CNBD1: variants seen among roughly 807,000 people sequenced by gnomAD.
The protein encoded by CNBD1 is cyclic nucleotide-binding domain-containing protein 1.
Under a neutral mutation model 54.4 loss-of-function variants are expected in CNBD1, and 71 were observed. That is an observed-to-expected ratio of 1.30 (90% CI 1.08 to 1.59). The LOEUF is 1.59. Among genes scored for constraint, CNBD1 ranks in the 40% most tolerant of loss-of-function variants. The pLI is 0.00. For synonymous variants in CNBD1, 182 were observed against 170.7 expected (o/e 1.07, Z -0.51); for missense variants, 659 against 518.0 (o/e 1.27, Z -2.64).
At chr8:87,094,219 T>C (rs562477093) in intron 4 of CNBD1, among the ~76,000 whole-genome samples, 2 of 152,126 alleles carry the variant, frequency 1.3e-5, no homozygotes, top group East Asian at 3.9e-4. Context: ...ACTTTTTAGC[T>C]TTTTCTTCTC....
intron 2 of CNBD1, among the ~76,000 whole-genome samples, chr8:87,401,931 C>T (rs571506077): frequency 6.6e-6 from 1 of 151,844 alleles, no homozygotes; most frequent in Non-Finnish European, 1.5e-5. Context: ...GACATGTGAC[C>T]TAATTCTGAC....
intron 6 of CNBD1, among the ~76,000 whole-genome samples, chr8:87,274,398 G>T (rs990330462): frequency 1.4e-5 from 2 of 144,864 alleles, no homozygotes; most frequent in African/African-American, 5.4e-5. Context: ...CAGTGTAAAA[G>T]TGTGCCTATT....
intron 4 of CNBD1, among the ~76,000 whole-genome samples, chr8:87,045,744 A>AAAAG (rs1554549758): frequency 2.0e-5 from 3 of 146,568 alleles, no homozygotes; most frequent in African/African-American, 7.7e-5. Context: ...AAAAAAAAAA[A>AAAAG]CAGTACACAT....
chr8:87,243,549 C>G lies in CNBD1; in HGVS notation c.771+6437C>G, dbSNP rs114241131. Among the ~76,000 whole-genome samples, 858 of 152,284 alleles carry G rather than the reference C, an allele frequency of 5.6e-3. 7 individuals are homozygous for G. The highest frequency in any genetic ancestry group is 0.02 in the African/African-American group (814 of 41,566). On this transcript the variant is annotated intron_variant, in intron 6 of 10. Coordinates refer to ENST00000518476, the MANE Select transcript of CNBD1 (RefSeq NM_173538.3). ...TCTCTTCATTATCCAACATTCTTCACAGATTCATTCCTGGTATGGTCTTAC... is the reference window on the plus strand; with the variant it reads ...TCTCTTCATTATCCAACATTCTTCAGAGATTCATTCCTGGTATGGTCTTAC...
intron 4 of CNBD1, chr8:87,044,756 C>T (rs1396523950): frequency 6.6e-6 from 1 of 152,144 alleles, no homozygotes; most frequent in African/African-American, 2.4e-5. Flanking sequence ...TACTATGAAG[C>T]CTGCCATAGT....
chr8:87,025,499 A>C (rs1305154647), intron 4 of CNBD1, among the ~76,000 whole-genome samples: 1 of 152,180 alleles, frequency 6.6e-6, no homozygotes, highest in African/African-American at 2.4e-5. Flanking sequence ...GGTAACCTTT[A>C]AGAGCTGTAA....
intron 4 of CNBD1, among the ~76,000 whole-genome samples, chr8:87,076,865 T>A (rs1810884158): frequency 6.6e-6 from 1 of 152,236 alleles, no homozygotes; most frequent in African/African-American, 2.4e-5. Flanking sequence ...GCATTCATGA[T>A]AAATAATACA....
intron 4 of CNBD1, among the ~76,000 whole-genome samples, chr8:87,161,098 A>G (rs921193196): frequency 1.3e-5 from 2 of 152,098 alleles, no homozygotes; most frequent in Admixed American, 1.3e-4. Context: ...GAGGGAGCCA[A>G]TTCTTCATGA....
intron 10 of CNBD1, among the ~76,000 whole-genome samples, chr8:87,363,088 G>A (rs1251503490): frequency 6.6e-6 from 1 of 152,016 alleles, no homozygotes; most frequent in Non-Finnish European, 1.5e-5. Flanking sequence ...CCACTTATGA[G>A]TGGGAACATG....
At chr8:86,905,892 G>A (rs772076479) in intron 3 of CNBD1, among the ~76,000 whole-genome samples, 2 of 152,128 alleles carry the variant, frequency 1.3e-5, no homozygotes, top group Non-Finnish European at 2.9e-5. Context: ...TGTTCCTTAA[G>A]TATCTTATAG....
At chr8:87,015,717 C>T (rs2130568081) in intron 4 of CNBD1, among the ~76,000 whole-genome samples, 1 of 152,088 alleles carries the variant, frequency 6.6e-6, no homozygotes, top group East Asian at 1.9e-4. Flanking sequence ...TTTTGGCTCA[C>T]GCCTGTAATC....
intron 4 of CNBD1, among the ~76,000 whole-genome samples, chr8:87,169,020 T>C (rs1238147286): frequency 6.6e-6 from 1 of 152,010 alleles, no homozygotes; most frequent in Non-Finnish European, 1.5e-5. Context: ...CTCTCCATAG[T>C]GGTTGTACTA....
chr8:87,079,031 G>C (rs1810932717), intron 4 of CNBD1, among the ~76,000 whole-genome samples: 1 of 149,494 alleles, frequency 6.7e-6, no homozygotes, highest in Admixed American at 6.7e-5. Context: ...TTTTTTTCTA[G>C]ACCCAGGAAA....
chr8:87,087,054 G>A (rs1035108706), intron 4 of CNBD1, among the ~76,000 whole-genome samples: 21 of 151,572 alleles, frequency 1.4e-4, no homozygotes, highest in African/African-American at 4.8e-4. Flanking sequence ...TTGTCCCCAA[G>A]AGGATGCAGT....
chr8:87,017,895 A>G (rs1345281605), intron 4 of CNBD1, among the ~76,000 whole-genome samples: 2 of 152,234 alleles, frequency 1.3e-5, no homozygotes, highest in Non-Finnish European at 2.9e-5. Flanking sequence ...GTTATTTTAT[A>G]AAGACTGAAA....
intron 4 of CNBD1, among the ~76,000 whole-genome samples, chr8:87,006,378 G>A (rs1586193729): frequency 6.6e-6 from 1 of 152,052 alleles, no homozygotes; most frequent in Non-Finnish European, 1.5e-5. Context: ...CCAAGAAAAG[G>A]ATGTATTAGG....
chr8:87,411,555 G>T (rs1362863811), intron 2 of CNBD1, among the ~76,000 whole-genome samples: 1 of 150,292 alleles, frequency 6.7e-6, no homozygotes, highest in Non-Finnish European at 1.5e-5. Flanking sequence ...TACAGTTAAT[G>T]ATGTCACTTA....
chr8:87,350,704 T>C (rs1297561759), intron 8 of CNBD1, among the ~76,000 whole-genome samples: 1 of 152,082 alleles, frequency 6.6e-6, no homozygotes, highest in Non-Finnish European at 1.5e-5. Flanking sequence ...AAGTTGTATA[T>C]GTGTCTTTAT....
chr8:87,144,591 G>T (rs554248825), intron 4 of CNBD1, among the ~76,000 whole-genome samples: 1 of 152,188 alleles, frequency 6.6e-6, no homozygotes, highest in Non-Finnish European at 1.5e-5. Flanking sequence ...GGAGGCCGAG[G>T]CAGGTGGATC....
Sources: allele counts gnomAD v4.1 joint callset (sites outside exome capture counted in the v4.1 genomes callset), GRCh38; gene constraint gnomAD v4.1.1; transcripts MANE v1.5; gene names NCBI Gene and HGNC (gene_info 2026-07-23, HGNC 2026-07-21).